Variants in SYNRG observed in about 807,000 individuals in gnomAD.
SYNRG encodes the protein synergin gamma.
Under a neutral mutation model 130.9 loss-of-function variants are expected in SYNRG, and 37 were observed. The ratio of observed to expected loss-of-function variants is 0.28; its 90% CI spans 0.22 to 0.37. The LOEUF (loss-of-function observed/expected upper bound fraction) is 0.37, where lower values mean the gene tolerates loss of function less well. Ranked by LOEUF, SYNRG falls within the 10% of genes least tolerant of loss-of-function variation. The pLI is 1.00. For missense variants in SYNRG, 1,338 were observed against 1,588.9 expected (o/e 0.84, Z 2.68); for synonymous variants, 539 against 568.1 (o/e 0.95, Z 0.73).
intron 1 of SYNRG, 126 bp downstream of exon 1, chr17:37,609,153 G>T: frequency 9.0e-7 from 1 of 1,112,880 alleles, no homozygotes; most frequent in Non-Finnish European, 1.2e-6. Context: ...CCTGGGGGAT[G>T]ACCCTCCTCC....
At position 37,594,215 on chromosome 17, in the gene SYNRG, A is replaced by T. The variant is rs1270600076; in HGVS notation, c.240+2008T>A. Among the ~76,000 whole-genome samples, 82 of 85,982 alleles carry T rather than the reference A, an allele frequency of 9.5e-4. No individual in the cohort carries two copies. The East Asian group carries it at 0.01, about 11-fold the overall frequency. The allele number at this position is 85,982 out of a possible 152,430, so 56.4% of individuals were successfully genotyped here. On this transcript the variant is annotated intron_variant, in intron 3 of 21. Transcript: ENST00000612223. ...TTTAATTATATTAATTACAATATTA[A>T]TTATTTTAATTATATTAATTACAAT... is the stretch of plus-strand genomic sequence containing the variant.
At chr17:37,554,176 C>T in intron 13 of SYNRG, 117 bp from the exon 14 acceptor site, 1 of 868,482 alleles carries the variant, frequency 1.2e-6, no homozygotes, top group Non-Finnish European at 1.7e-6. Flanking sequence ...CTTGACATTA[C>T]TTAATAATGT....
chr17:37,584,515 C>G, intron 6 of SYNRG, 133 bp downstream of exon 6: 1 of 682,208 alleles, frequency 1.5e-6, no homozygotes, highest in East Asian at 2.6e-5. Context: ...TGAGAACATC[C>G]AAATCTGTAC....
chr17:37,537,400 G>A (rs576770479), intron 18 of SYNRG: 15 of 152,420 alleles, frequency 9.8e-5, no homozygotes, highest in Admixed American at 9.8e-4. Context: ...GGCCAAGGTG[G>A]GTGGGTCGCT....
At chr17:37,548,545 T>C (rs977718968) in intron 14 of SYNRG, among the ~76,000 whole-genome samples, 1 of 152,048 alleles carries the variant, frequency 6.6e-6, no homozygotes, top group Non-Finnish European at 1.5e-5. Flanking sequence ...AGGCCGGGTG[T>C]GGTGGCTCAC....
In SYNRG at chr17:37,520,670, T is replaced by C. The variant is rs376609769; in HGVS notation, c.3667-22A>G. ...CTGGCTGTGAGGACGACAAGACAAA[T>C]GGGTAAGAAGTCCACAAGTCCACAC... is the stretch of plus-strand genomic sequence containing the variant. On this transcript the variant is annotated intron_variant, in intron 19 of 21. Transcript: ENST00000612223. 37 of 1,603,974 alleles carry C rather than the reference T, an allele frequency of 2.3e-5. No individual in the cohort carries two copies. The African/African-American group carries it at 4.0e-4, about 17-fold the overall frequency.
intron 17 of SYNRG, 65 bp downstream of exon 17, chr17:37,539,127 C>T: frequency 1.2e-6 from 2 of 1,600,966 alleles, no homozygotes; most frequent in Non-Finnish European, 1.7e-6. Flanking sequence ...TTCAAATGAA[C>T]CAAGAAGGCA....
chr17:37,600,562 T>A lies in SYNRG; in HGVS notation c.78-159A>T. 5.3e-6 allele frequency: 4 copies of A among 760,764 alleles called. 1 individual carries two copies. The South Asian group carries it at 5.9e-5, about 11-fold the overall frequency. 47.1% of individuals were successfully genotyped at this position (760,764 alleles called of 1,614,324 possible). ...CCAACATCAGTACACTGAGCATCCATAGGATGCATGTCAGCATGCTACTGC... is the reference window on the plus strand; with the variant it reads ...CCAACATCAGTACACTGAGCATCCAAAGGATGCATGTCAGCATGCTACTGC... On this transcript the variant is annotated intron_variant, in intron 1 of 21. Transcript: ENST00000612223.
rs753183509 is a variant in SYNRG, at chr17:37,553,345, A to G, written c.2378T>C (p.Leu793Pro). 8 of 1,614,100 alleles carry G rather than the reference A, an allele frequency of 5.0e-6. No homozygotes were observed. The highest frequency in any genetic ancestry group is 2.7e-5 in the African/African-American group (2 of 74,928). ...TCTGAAAGCCACTGCTTTCTCTCCC[A>G]GGGATTTGTCCGAGTTTATGGAAGA... ...KFSSINSDKSLGEKAVAFRHT... is the reference protein window; with the variant it reads ...KFSSINSDKSPGEKAVAFRHT... The change falls in exon 14 of 22, where the codon CTG (leucine) becomes CCG (proline). Residue 793 changes from leucine to proline, a missense_variant. This residue lies in a region of SYNRG where 1,146 missense variants were observed against 1,342.3 expected (regional missense o/e 0.85). Transcript: ENST00000612223.
At chr17:37,524,496 G>A (rs756456436) in intron 19 of SYNRG, among the ~76,000 whole-genome samples, 6 of 152,232 alleles carry the variant, frequency 3.9e-5, no homozygotes, top group Non-Finnish European at 8.8e-5. Context: ...AAAAGGTGAG[G>A]TGTATGTTTC....
At chr17:37,592,567 A>C (rs530698296) in intron 3 of SYNRG, among the ~76,000 whole-genome samples, 39 of 152,292 alleles carry the variant, frequency 2.6e-4, no homozygotes, top group South Asian at 8.3e-4. Context: ...ATACATCCAC[A>C]CCATGGACTA....
chr17:37,577,328 T>C, intron 7 of SYNRG, 52 bp downstream of exon 7: 1 of 1,524,520 alleles, frequency 6.6e-7, no homozygotes, highest in African/African-American at 1.4e-5. Context: ...GTGTTAGCAT[T>C]TGAGCAACAT....
chr17:37,561,527 G>A lies in SYNRG; in HGVS notation c.1544C>T (p.Ala515Val). The change falls in exon 12 of 22, where the codon GCT (alanine) becomes GTT (valine). Residue 515 changes from alanine (A) to valine (V), a missense_variant. Ala to Val is a moderately conservative substitution (Grantham distance 64). This residue lies in a region of SYNRG where 1,146 missense variants were observed against 1,342.3 expected (regional missense o/e 0.85). Transcript: ENST00000612223. ...TKALPSMDKY[A>V]VFKGIAADKS... ...GTCAGCTGCAATTCCTTTAAACACA[G>A]CATATTTGTCCATTGAAGGCAATGC... 1 of 1,613,776 alleles carries A rather than the reference G, an allele frequency of 6.2e-7. No individual in the cohort carries two copies. Among genetic ancestry groups the A allele is most frequent in the Non-Finnish European group, 8.5e-7 (1 of 1,179,766 alleles).
intron 19 of SYNRG, among the ~76,000 whole-genome samples, chr17:37,521,856 C>G (rs1465276496): frequency 6.6e-6 from 1 of 152,002 alleles, no homozygotes; most frequent in African/African-American, 2.4e-5. Flanking sequence ...ACCCGGGCAG[C>G]TGAGAGGATT....
intron 13 of SYNRG, among the ~76,000 whole-genome samples, chr17:37,557,851 A>T (rs2059234285): frequency 6.6e-6 from 1 of 151,016 alleles, no homozygotes; most frequent in South Asian, 2.1e-4. Flanking sequence ...GTCTCTCAGA[A>T]AAAAAAAAAG....
chr17:37,591,198 C>T (rs920128844), intron 3 of SYNRG, among the ~76,000 whole-genome samples: 3 of 152,048 alleles, frequency 2.0e-5, no homozygotes, highest in Admixed American at 6.5e-5. Flanking sequence ...TATGTGAACA[C>T]TGACATTTAA....
In SYNRG at chr17:37,520,523, G is replaced by A. The variant is rs773465708; in HGVS notation, c.3777+15C>T. 6.2e-7 allele frequency: 1 copy of A among 1,611,158 alleles called. No individual in the cohort carries two copies. Among genetic ancestry groups the A allele is most frequent in the African/African-American group, 1.3e-5 (1 of 74,868 alleles). On this transcript the variant is annotated intron_variant, in intron 20 of 21. Transcript: ENST00000612223. The stretch of plus-strand genomic sequence containing the variant: ...GGAAGCCCTTTGCTGTCTGCAAGGA[G>A]GCTGCGTGACTTACCCGGCTCCTCG...
At chr17:37,603,643 G>A (rs944807315) in intron 1 of SYNRG, among the ~76,000 whole-genome samples, 1 of 152,146 alleles carries the variant, frequency 6.6e-6, no homozygotes, top group Non-Finnish European at 1.5e-5. Context: ...AAGCAGTAAC[G>A]TTTTCAAAAG....
intron 19 of SYNRG, among the ~76,000 whole-genome samples, chr17:37,526,483 C>A (rs1330860843): frequency 6.6e-6 from 1 of 152,176 alleles, no homozygotes; most frequent in African/African-American, 2.4e-5. Context: ...TATAATCTTT[C>A]CTATTGCTGC....
Sources: allele counts gnomAD v4.1 joint callset (sites outside exome capture counted in the v4.1 genomes callset), GRCh38; gene constraint gnomAD v4.1.1; regional missense constraint gnomAD v4.1.1; transcripts MANE v1.5; gene names NCBI Gene and HGNC (gene_info 2026-07-23, HGNC 2026-07-21).